The following CACNA1E variants were observed in gnomAD, a reference collection of about 807,000 sequenced individuals.
CACNA1E encodes calcium voltage-gated channel subunit alpha1 E.
A neutral mutation model predicts 259.2 loss-of-function variants in CACNA1E; 40 were observed. The ratio of observed to expected loss-of-function variants is 0.15; its 90% CI spans 0.12 to 0.20. The LOEUF (loss-of-function observed/expected upper bound fraction) is 0.20. CACNA1E is among the 10% of genes least tolerant of loss of function. CACNA1E has a pLI of 1.00. For missense variants in CACNA1E, 1,874 were observed against 3,040.1 expected (o/e 0.62, Z 9.02); for synonymous variants, 1,104 against 1,138.5 (o/e 0.97, Z 0.61).
intron 1 of CACNA1E, among the ~76,000 whole-genome samples, chr1:181,382,557 G>C (rs752806365): frequency 6.6e-6 from 1 of 152,084 alleles, no homozygotes; most frequent in Non-Finnish European, 1.5e-5. Flanking sequence ...AGTGTGTCTA[G>C]GAATCTTGTT....
chr1:181,566,491 G>C (rs1167909278), intron 3 of CACNA1E, among the ~76,000 whole-genome samples: 1 of 152,216 alleles, frequency 6.6e-6, no homozygotes, highest in Non-Finnish European at 1.5e-5. Context: ...TCTCAGAAAA[G>C]AGAAGGAAAT....
At chr1:181,343,345 C>T (rs1652322029) in intron 1 of CACNA1E, among the ~76,000 whole-genome samples, 1 of 152,092 alleles carries the variant, frequency 6.6e-6, no homozygotes, top group Non-Finnish European at 1.5e-5. Flanking sequence ...AGGATCGATT[C>T]CTCATGAGCA....
At chr1:181,341,017 C>T (rs12129667) in intron 1 of CACNA1E, among the ~76,000 whole-genome samples, 58,419 of 151,672 alleles carry the variant, frequency 0.39, 11,538 homozygotes, top group Non-Finnish European at 0.44. Context: ...TTAAGAAGCC[C>T]GTCTGAGATC....
intron 3 of CACNA1E, among the ~76,000 whole-genome samples, chr1:181,561,546 T>C (rs747947702): frequency 6.6e-6 from 1 of 152,210 alleles, no homozygotes; most frequent in Non-Finnish European, 1.5e-5. Context: ...AAGAGGAGTC[T>C]ACAGCCTTTT....
chr1:181,641,275 A>G (rs1424074414), intron 6 of CACNA1E, among the ~76,000 whole-genome samples: 1 of 152,186 alleles, frequency 6.6e-6, no homozygotes, highest in Non-Finnish European at 1.5e-5. Context: ...AGGACTTGTA[A>G]TTGGTGGAGT....
intron 1 of CACNA1E, among the ~76,000 whole-genome samples, chr1:181,494,304 T>C (rs184860308): frequency 6.6e-6 from 1 of 151,714 alleles, no homozygotes; most frequent in African/African-American, 2.4e-5. Flanking sequence ...TTAAAATACT[T>C]TTTAAAGTGG....
chr1:181,483,500 T>TG, upstream of CACNA1E: 2 of 321,324 alleles, frequency 6.2e-6, no homozygotes. Context: ...TTTTCTTTTT[T>TG]CTTTTTTTTT....
intron 1 of CACNA1E, among the ~76,000 whole-genome samples, chr1:181,351,216 G>A (rs1045277957): frequency 7.9e-5 from 12 of 152,170 alleles, no homozygotes; most frequent in Non-Finnish European, 1.8e-4. Context: ...CCTGAGCCGT[G>A]GGGGGATCCA....
chr1:181,355,910 T>C (rs928680131), intron 1 of CACNA1E, among the ~76,000 whole-genome samples: 1 of 152,208 alleles, frequency 6.6e-6, no homozygotes, highest in African/African-American at 2.4e-5. Flanking sequence ...ACCCAATTTG[T>C]AAGGCAATTA....
chr1:181,581,012 T>G (rs1319696022), intron 6 of CACNA1E, among the ~76,000 whole-genome samples: 1 of 152,182 alleles, frequency 6.6e-6, no homozygotes, highest in Non-Finnish European at 1.5e-5. Context: ...TTACATCCTA[T>G]GTTGGATAGG....
Position 181,732,563 on chromosome 1 carries a change from T to A in CACNA1E, c.2477T>A (p.Leu826His). The A allele has an allele frequency of 6.5e-7, 1 of 1,540,652 alleles. No homozygotes were observed. The highest frequency in any genetic ancestry group is 8.8e-7 in the Non-Finnish European group (1 of 1,141,992). Residue 826 changes from leucine (L) to histidine (H), a missense_variant, in exon 20 of 48, where the codon CTT becomes CAT. Coordinates refer to ENST00000367573, the MANE Select transcript of CACNA1E (RefSeq NM_001205293.3). The surrounding 1 kb of genome is among the most constrained non-coding windows in gnomAD (Gnocchi z 5.5). ...SLNPLNAHPSLYRRPRAIEGL... is the reference protein window; with the variant it reads ...SLNPLNAHPSHYRRPRAIEGL... Reference sequence around the variant, plus strand: ...AACCCGCTCAATGCCCACCCCAGCCTTTATCGGCGACCCAGGGCCATTGAG... The same window carrying A: ...AACCCGCTCAATGCCCACCCCAGCCATTATCGGCGACCCAGGGCCATTGAG...
intron 6 of CACNA1E, among the ~76,000 whole-genome samples, chr1:181,583,493 G>T (rs972780549): frequency 2.6e-5 from 4 of 152,156 alleles, no homozygotes; most frequent in African/African-American, 7.2e-5. Context: ...AAACCAGTAG[G>T]AGAATCTTCA....
At chr1:181,663,997 T>C (rs574393962) in intron 7 of CACNA1E, among the ~76,000 whole-genome samples, 19 of 152,372 alleles carry the variant, frequency 1.2e-4, no homozygotes, top group African/African-American at 4.3e-4. Context: ...CAAATAAGGC[T>C]GTTGGAAGCA....
Position 181,783,578 on chromosome 1 carries a change from C to T in CACNA1E, c.5365-101C>T, listed in dbSNP as rs74489861. On this transcript the variant is annotated intron_variant, in intron 39 of 47. Coordinates refer to ENST00000367573, the MANE Select transcript of CACNA1E (RefSeq NM_001205293.3). The stretch of plus-strand genomic sequence containing the variant: ...GATGGGGATCCTTGCCCTTCTTTTT[C>T]GTCTGTGCATTTGACCTCTACCCTT... 0.057 allele frequency: 36,041 copies of T among 636,884 alleles called. 1,317 individuals are homozygous for T. The highest frequency in any genetic ancestry group is 0.092 in the South Asian group (4,265 of 46,134). 39.5% of individuals were successfully genotyped at this position (636,884 alleles called of 1,614,324 possible).
chr1:181,331,969 GC>G (rs1361516729), intron 1 of CACNA1E, among the ~76,000 whole-genome samples: 1 of 152,042 alleles, frequency 6.6e-6, no homozygotes, highest in Non-Finnish European at 1.5e-5. Context: ...TACCATAAAT[GC>G]CCATCAATTA....
At chr1:181,481,488 C>T (rs1207575079), upstream of CACNA1E, among the ~76,000 whole-genome samples, 7 of 152,256 alleles carry the variant, frequency 4.6e-5, no homozygotes, top group African/African-American at 1.7e-4. Flanking sequence ...CCTCACTTCT[C>T]AACAGTTAAT....
At chr1:181,570,269 C>T (rs943765742) in intron 3 of CACNA1E, among the ~76,000 whole-genome samples, 1 of 151,880 alleles carries the variant, frequency 6.6e-6, no homozygotes, top group Non-Finnish European at 1.5e-5. Context: ...TCTTGCTCAC[C>T]TTGGAAGTGG....
Position 181,758,847 on chromosome 1 carries a change from G to A in CACNA1E, c.4584G>A (p.Lys1528=), listed in dbSNP as rs537685270. 3.1e-5 allele frequency: 50 copies of A among 1,610,034 alleles called. No individual in the cohort carries two copies. The South Asian group carries it at 5.3e-4, about 17-fold the overall frequency. The change falls in exon 32 of 48, where the codon AAG becomes AAA. Residue 1528 remains lysine, a synonymous_variant. Coordinates refer to ENST00000367573, the MANE Select transcript of CACNA1E (RefSeq NM_001205293.3). The surrounding 1 kb of genome is among the most constrained non-coding windows in gnomAD (Gnocchi z 4.2). ...TGTTTTCCCTGGAATGTGTCCTGAA[G>A]GTCATCGCTTTTGGCTTTTTGGTAT... The part of the protein sequence containing the change: ...TMVFSLECVL[K]VIAFGFLNYF...
intron 7 of CACNA1E, among the ~76,000 whole-genome samples, chr1:181,686,663 G>T (rs543760479): frequency 2.7e-4 from 41 of 152,274 alleles, no homozygotes; most frequent in Admixed American, 8.5e-4. Flanking sequence ...CTGGTAGCAA[G>T]GTGATGAGGC....
Sources: gnomAD v4.1 joint callset for allele counts (sites outside exome capture counted in the v4.1 genomes callset) on GRCh38, gnomAD v4.1.1 for gene constraint, Gnocchi (gnomAD v3.1) non-coding constraint, MANE v1.5 for transcripts, NCBI Gene and HGNC (gene_info 2026-07-23, HGNC 2026-07-21) for gene names.